The following PBLD variants were observed in gnomAD, a reference collection of about 807,000 sequenced individuals.
PBLD encodes phenazine biosynthesis-like domain-containing protein.
PBLD carries 26 observed loss-of-function variants against 31.3 expected under a neutral mutation model. The observed-to-expected ratio is 0.83, with a 90% CI of 0.61 to 1.15. PBLD has a LOEUF of 1.15. PBLD is among the 50% of genes most tolerant of loss of function. PBLD has a pLI of 0.00. For synonymous variants in PBLD, 114 were observed against 129.0 expected (o/e 0.88, Z 0.79); for missense variants, 307 against 351.7 (o/e 0.87, Z 1.02).
intron 2 of PBLD, among the ~76,000 whole-genome samples, chr10:68,300,798 G>C (rs539262001): frequency 6.6e-6 from 1 of 152,194 alleles, no homozygotes; most frequent in Non-Finnish European, 1.5e-5. Flanking sequence ...ACCTAGAAAA[G>C]AGGGGAGATT....
At chr10:68,313,048 T>C (rs962208998) in intron 1 of PBLD, among the ~76,000 whole-genome samples, 2 of 152,016 alleles carry the variant, frequency 1.3e-5, no homozygotes, top group Non-Finnish European at 2.9e-5. Context: ...CCTGAGTAGC[T>C]GGACTACAAG....
chr10:68,303,540 A>C (rs975381376), intron 2 of PBLD, among the ~76,000 whole-genome samples: 1 of 150,130 alleles, frequency 6.7e-6, no homozygotes, highest in Non-Finnish European at 1.5e-5. Flanking sequence ...CACACCTGTA[A>C]TCCCAGCACT....
chr10:68,293,849 C>G (rs2044390680), intron 4 of PBLD, among the ~76,000 whole-genome samples: 4 of 145,182 alleles, frequency 2.8e-5, no homozygotes, highest in Middle Eastern at 7.0e-3. Flanking sequence ...GTGGCAGGCA[C>G]CTGTAATCCC....
intron 4 of PBLD, among the ~76,000 whole-genome samples, chr10:68,292,512 CTTT>C (rs66894235): frequency 1.4e-5 from 2 of 147,168 alleles, no homozygotes; most frequent in Non-Finnish European, 3.0e-5. Flanking sequence ...ACTTAGCCTC[CTTT>C]TTTTTTTTTC....
At chr10:68,305,471 C>T (rs1391888197) in intron 2 of PBLD, among the ~76,000 whole-genome samples, 1 of 151,730 alleles carries the variant, frequency 6.6e-6, no homozygotes, top group Admixed American at 6.6e-5. Context: ...AAAAACACTG[C>T]TGGCCGGGCG....
intron 1 of PBLD, among the ~76,000 whole-genome samples, chr10:68,313,934 G>T (rs1428685836): frequency 6.6e-6 from 1 of 151,892 alleles, no homozygotes; most frequent in Non-Finnish European, 1.5e-5. Context: ...TGAACTGGAG[G>T]TTTATATTTT....
chr10:68,314,844 C>T (rs1214550627), intron 1 of PBLD, among the ~76,000 whole-genome samples: 1 of 152,028 alleles, frequency 6.6e-6, no homozygotes, highest in Non-Finnish European at 1.5e-5. Context: ...GGATGGAGTG[C>T]AATGGTACAA....
Position 68,283,891 on chromosome 10 carries a change from C to T in PBLD, c.*286G>A, listed in dbSNP as rs2044256303. On this transcript the variant is annotated 3_prime_UTR_variant, in exon 10 of 10. Coordinates refer to ENST00000358769, the MANE Select transcript of PBLD (RefSeq NM_022129.4). Reference sequence around the variant, plus strand: ...CCTCCCAAGTAGCTGGAATTACAGGCATGTGGCACCACACCCAGCTAATTT... The same window carrying T: ...CCTCCCAAGTAGCTGGAATTACAGGTATGTGGCACCACACCCAGCTAATTT... 1.1e-5 allele frequency: 3 copies of T among 272,060 alleles called. No homozygotes were observed. The highest frequency in any genetic ancestry group is 4.2e-5 in the South Asian group (1 of 23,776). 16.9% of individuals were successfully genotyped at this position (272,060 alleles called of 1,614,324 possible). A position where few individuals can be genotyped will look rare whatever the true frequency, so the allele number is the denominator to read the frequency against.
At chr10:68,292,332 G>T (rs977189244) in intron 4 of PBLD, 94 bp from the exon 5 acceptor site, 32 of 1,085,080 alleles carry the variant, frequency 2.9e-5, no homozygotes, top group Admixed American at 1.3e-4. Flanking sequence ...AGATTTTCTG[G>T]CACTGTCATC....
At chr10:68,330,584 C>T (rs566812796) in intron 1 of PBLD, among the ~76,000 whole-genome samples, 1 of 152,222 alleles carries the variant, frequency 6.6e-6, no homozygotes, top group South Asian at 2.1e-4. Flanking sequence ...CTCGCTCTGT[C>T]GCCCAGGCTG....
intron 1 of PBLD, among the ~76,000 whole-genome samples, chr10:68,316,733 T>C (rs7084597): frequency 0.19 from 28,333 of 151,940 alleles, 3,324 homozygotes; most frequent in African/African-American, 0.31. Context: ...ACTGAATTGG[T>C]GGGGTACAGT....
intron 1 of PBLD, among the ~76,000 whole-genome samples, chr10:68,328,981 C>T (rs1431840526): frequency 6.6e-6 from 1 of 152,186 alleles, no homozygotes; most frequent in Non-Finnish European, 1.5e-5. Flanking sequence ...CAGGTTCAAG[C>T]AATTCTTGTG....
intron 1 of PBLD, among the ~76,000 whole-genome samples, chr10:68,312,342 A>G (rs1228945227): frequency 6.6e-6 from 1 of 152,042 alleles, no homozygotes; most frequent in Non-Finnish European, 1.5e-5. Context: ...CCTCACCAAC[A>G]CTTGTTATCT....
intron 1 of PBLD, among the ~76,000 whole-genome samples, chr10:68,311,812 G>A (rs991237775): frequency 6.6e-6 from 1 of 151,522 alleles, no homozygotes; most frequent in African/African-American, 2.4e-5. Flanking sequence ...AACATTTGTT[G>A]ATGGTTTAGC....
At position 68,304,091 on chromosome 10, in the gene PBLD, T is replaced by C. The variant is rs556242116; in HGVS notation, c.84+2670A>G. Reference sequence around the variant, plus strand: ...CTGAATTGTGTCCAATATTATAAGATTTAGCGTTTATTTGTCTCTGACATT... The same window carrying C: ...CTGAATTGTGTCCAATATTATAAGACTTAGCGTTTATTTGTCTCTGACATT... On this transcript the variant is annotated intron_variant, in intron 2 of 9. Transcript: ENST00000358769. Among the ~76,000 whole-genome samples the C allele has an allele frequency of 8.5e-5, 13 of 152,294 alleles. No homozygotes were observed. The East Asian group carries it at 2.5e-3, about 29-fold the overall frequency.
In PBLD at chr10:68,283,046, A is replaced by G. The variant is rs1013487291; in HGVS notation, c.*1131T>C. The G allele has an allele frequency of 7.0e-6, 1 of 142,542 alleles. No individual in the cohort carries two copies. The highest frequency in any genetic ancestry group is 3.5e-3 in the Middle Eastern group (1 of 286). 8.8% of individuals were successfully genotyped at this position (142,542 alleles called of 1,614,324 possible). A position where few individuals can be genotyped will look rare whatever the true frequency, so the allele number is the denominator to read the frequency against. On this transcript the variant is annotated 3_prime_UTR_variant, in exon 10 of 10. Transcript: ENST00000358769. Reference sequence around the variant, plus strand: ...ATATCAAGAAAAAGATTGAAATTACATTCCTTTTTTTTTTTTTAATAGAGA... The same window carrying G: ...ATATCAAGAAAAAGATTGAAATTACGTTCCTTTTTTTTTTTTTAATAGAGA...
chr10:68,319,028 AGAAG>A (rs947418324), intron 1 of PBLD, among the ~76,000 whole-genome samples: 1 of 140,488 alleles, frequency 7.1e-6, no homozygotes, highest in Non-Finnish European at 1.5e-5. Flanking sequence ...AGAGGGAGAG[AGAAG>A]GAAAGAAAGA....
At position 68,311,932 on chromosome 10, in the gene PBLD, T is replaced by C. The variant is rs2044675010; in HGVS notation, c.-59-5029A>G. The stretch of plus-strand genomic sequence containing the variant: ...CACTGTCCAGCATTGTGGGAAAGTA[T>C]TGTACCACACATCAGTAGCCTGGGA... On this transcript the variant is annotated intron_variant, in intron 1 of 9. Coordinates refer to ENST00000358769, the MANE Select transcript of PBLD (RefSeq NM_022129.4). Among the ~76,000 whole-genome samples, 3 of 152,214 alleles carry C rather than the reference T, an allele frequency of 2.0e-5. No homozygotes were observed. In the South Asian group the frequency reaches 6.2e-4, roughly 31 times the overall value.
At chr10:68,300,051 C>T (rs2044485093) in intron 2 of PBLD, among the ~76,000 whole-genome samples, 1 of 151,936 alleles carries the variant, frequency 6.6e-6, no homozygotes, top group Non-Finnish European at 1.5e-5. Context: ...CCACCATGCC[C>T]AGCTAATTTT....
Sources: allele counts gnomAD v4.1 joint callset (sites outside exome capture counted in the v4.1 genomes callset), GRCh38; gene constraint gnomAD v4.1.1; transcripts MANE v1.5; gene names NCBI Gene and HGNC (gene_info 2026-07-23, HGNC 2026-07-21).